Variants in CADPS2 observed in about 807,000 individuals in gnomAD.
CADPS2 encodes the protein calcium-dependent secretion activator 2.
Under a neutral mutation model 172.5 loss-of-function variants are expected in CADPS2, and 93 were observed. The observed-to-expected ratio is 0.54, with a 90% CI of 0.46 to 0.64. The LOEUF (loss-of-function observed/expected upper bound fraction) is 0.64, where lower values mean the gene tolerates loss of function less well. Ranked by LOEUF, CADPS2 falls within the 30% of genes least tolerant of loss-of-function variation. The pLI, the probability that CADPS2 is intolerant of heterozygous loss-of-function variation, is 0.00. For synonymous variants in CADPS2, 546 were observed against 555.2 expected (o/e 0.98, Z 0.23); for missense variants, 1,420 against 1,565.9 (o/e 0.91, Z 1.57).
At chr7:122,573,882 G>C (rs1043217826) in intron 7 of CADPS2, among the ~76,000 whole-genome samples, 8 of 151,990 alleles carry the variant, frequency 5.3e-5, no homozygotes, top group African/African-American at 1.7e-4. Flanking sequence ...GACTGAACCT[G>C]CAATTTCTTC....
At chr7:122,513,054 T>C (rs1277930719) in intron 9 of CADPS2, among the ~76,000 whole-genome samples, 195 bp downstream of exon 9, 1 of 152,182 alleles carries the variant, frequency 6.6e-6, no homozygotes, top group African/African-American at 2.4e-5. Context: ...TTTCACTAAA[T>C]TGTTTGGCTT....
chr7:122,880,087 C>CT (rs899937503), intron 1 of CADPS2, among the ~76,000 whole-genome samples: 1 of 152,262 alleles, frequency 6.6e-6, no homozygotes, highest in Middle Eastern at 3.4e-3. Flanking sequence ...ACTACATACA[C>CT]TGAGGAAACA....
intron 1 of CADPS2, among the ~76,000 whole-genome samples, chr7:122,782,454 A>G (rs1166396819): frequency 6.6e-6 from 1 of 152,170 alleles, no homozygotes; most frequent in Non-Finnish European, 1.5e-5. Flanking sequence ...CAACAACAAC[A>G]ACAAAAATTA....
intron 1 of CADPS2, among the ~76,000 whole-genome samples, chr7:122,753,185 T>A (rs139396748): frequency 3.1e-4 from 47 of 152,296 alleles, no homozygotes; most frequent in African/African-American, 1.1e-3. Context: ...TCTAGTAGGG[T>A]ATAATTAAGT....
rs1563583124 is a variant in CADPS2 at position 122,521,769 on chromosome 7, AG to A, written c.1476-8455del. On this transcript the variant is annotated intron_variant, in intron 8 of 29. Coordinates refer to ENST00000449022, the MANE Select transcript of CADPS2 (RefSeq NM_017954.11). ...GCTATATAAACAGGAGATTCCTAAA[AG>A]CAAATGCATAAAACATAGAGTTCTT... 6.6e-5 allele frequency among the ~76,000 whole-genome samples: 10 copies of A among 152,274 alleles called. No homozygotes were observed. The South Asian group carries it at 2.1e-3, about 32-fold the overall frequency.
intron 1 of CADPS2, chr7:122,849,670 A>C (rs952402061): frequency 6.2e-6 from 2 of 321,014 alleles, no homozygotes; most frequent in Admixed American, 9.2e-5. Flanking sequence ...GCTGCTATAA[A>C]AGAGGCATTT....
intron 17 of CADPS2, among the ~76,000 whole-genome samples, chr7:122,428,469 A>G (rs201863739): frequency 8.0e-6 from 1 of 124,954 alleles, no homozygotes; most frequent in African/African-American, 3.6e-5. Context: ...ATATATATAT[A>G]TATTTTTTTT....
chr7:122,324,366 T>C (rs962717992), intron 29 of CADPS2, among the ~76,000 whole-genome samples: 1 of 151,468 alleles, frequency 6.6e-6, no homozygotes, highest in African/African-American at 2.4e-5. Flanking sequence ...GAAAATATTT[T>C]AATGTGGCTA....
chr7:122,607,865 G>C (rs1274050998), intron 6 of CADPS2, among the ~76,000 whole-genome samples: 20 of 152,096 alleles, frequency 1.3e-4, no homozygotes, highest in Admixed American at 1.3e-3. Flanking sequence ...TTTGAAGATG[G>C]AAATGAGAGG....
intron 8 of CADPS2, among the ~76,000 whole-genome samples, chr7:122,551,798 G>A (rs1039627756): frequency 4.6e-5 from 7 of 152,136 alleles, no homozygotes; most frequent in Middle Eastern, 3.4e-3. Flanking sequence ...GACAAAACAC[G>A]ATCCAGGCCC....
rs530998528 is a variant in CADPS2, at chr7:122,715,653, T to C, written c.453+21302A>G. Among the ~76,000 whole-genome samples, 23 of 151,942 alleles carry C rather than the reference T, an allele frequency of 1.5e-4. No individual in the cohort carries two copies. The South Asian group carries it at 4.2e-3, about 27-fold the overall frequency. The stretch of plus-strand genomic sequence containing the variant: ...CAAAGATAGCTTTAGTCATCTTCTA[T>C]GGTCAAAATTCTCACAGACACAAGG... On this transcript the variant is annotated intron_variant, in intron 2 of 29. Transcript: ENST00000449022.
At chr7:122,373,988 A>T (rs551533435) in intron 25 of CADPS2, among the ~76,000 whole-genome samples, 1 of 152,332 alleles carries the variant, frequency 6.6e-6, no homozygotes, top group Non-Finnish European at 1.5e-5. Flanking sequence ...ATAAACATGG[A>T]TACAAAAATC....
rs193069122 is a variant in CADPS2 at position 122,861,419 on chromosome 7, T to C, written c.339+24580A>G. Among the ~76,000 whole-genome samples, 98 of 152,354 alleles carry C rather than the reference T, an allele frequency of 6.4e-4. 1 individual carries two copies. Among genetic ancestry groups the C allele is most frequent in the African/African-American group, 2.3e-3 (97 of 41,588 alleles). On this transcript the variant is annotated intron_variant, in intron 1 of 29. Coordinates refer to ENST00000449022, the MANE Select transcript of CADPS2 (RefSeq NM_017954.11). ...TATATCTTCTTTTGAGAAATGTCTATTCAGATTGCTTGCCCATTTTTAAAT... is the reference window on the plus strand; with the variant it reads ...TATATCTTCTTTTGAGAAATGTCTACTCAGATTGCTTGCCCATTTTTAAAT...
At chr7:122,512,467 T>A (rs1391254105) in intron 9 of CADPS2, among the ~76,000 whole-genome samples, 1 of 152,258 alleles carries the variant, frequency 6.6e-6, no homozygotes, top group East Asian at 1.9e-4. Flanking sequence ...TTCTTTAATA[T>A]AAATTTAACT....
chr7:122,701,418 C>T (rs541644823), intron 2 of CADPS2, among the ~76,000 whole-genome samples: 86 of 152,008 alleles, frequency 5.7e-4, no homozygotes, highest in African/African-American at 1.8e-3. Context: ...GGAAGGGGAA[C>T]GTCACACACC....
chr7:122,798,567 G>A (rs889218836), intron 1 of CADPS2, among the ~76,000 whole-genome samples: 5 of 152,024 alleles, frequency 3.3e-5, no homozygotes, highest in Admixed American at 6.6e-5. Context: ...TATTTTACTC[G>A]ATATGTAATA....
At chr7:122,820,039 C>A (rs1269637898) in intron 1 of CADPS2, among the ~76,000 whole-genome samples, 1 of 152,162 alleles carries the variant, frequency 6.6e-6, no homozygotes, top group Non-Finnish European at 1.5e-5. Flanking sequence ...ACCAGACAAG[C>A]CTTACAAGTT....
chr7:122,746,630 C>T (rs1177959510), intron 1 of CADPS2, among the ~76,000 whole-genome samples: 1 of 45,118 alleles, frequency 2.2e-5, no homozygotes, highest in Non-Finnish European at 3.7e-5. Flanking sequence ...AACACACAGA[C>T]ACACACACAC....
In CADPS2 at chr7:122,451,390, G is replaced by C. The variant is rs750350484; in HGVS notation, c.2272C>G (p.Gln758Glu). 10 of 1,521,574 alleles carry C rather than the reference G, an allele frequency of 6.6e-6. No homozygotes were observed. In the South Asian group the frequency reaches 1.3e-4, roughly 20 times the overall value. The allele number at this position is 1,521,574 out of a possible 1,614,324, so 94.3% of individuals were successfully genotyped here. A position where few individuals can be genotyped will look rare whatever the true frequency, so the allele number is the denominator to read the frequency against. The change falls in exon 15 of 30, where the codon CAG becomes GAG. Residue 758 changes from glutamine (Q) to glutamate (E), a missense_variant. By Grantham distance (29) the Gln-to-Glu change is conservative (BLOSUM62 2). Transcript: ENST00000449022. ...AATATATACCTGAAATGGCTTATCT[G>C]ATTTTCTAAAAGGGAAGAGAGTCTC... ...KERLSSLLENQISHFRYCFPF... is the reference protein window; with the variant it reads ...KERLSSLLENEISHFRYCFPF...
Sources: allele counts gnomAD v4.1 joint callset (sites outside exome capture counted in the v4.1 genomes callset), GRCh38; gene constraint gnomAD v4.1.1; transcripts MANE v1.5; gene names NCBI Gene and HGNC (gene_info 2026-07-23, HGNC 2026-07-21).